Variants in ZFPM2 observed in about 807,000 individuals in gnomAD.
The protein encoded by ZFPM2 is zinc finger protein, FOG family member 2, also known as zinc finger protein ZFPM2.
ZFPM2 carries 20 observed loss-of-function variants against 98.6 expected under a neutral mutation model. The ratio of observed to expected loss-of-function variants is 0.20; its 90% confidence interval spans 0.14 to 0.29. ZFPM2 has a LOEUF of 0.29. Ranked by LOEUF, ZFPM2 falls within the 10% of genes least tolerant of loss-of-function variation. The probability of loss-of-function intolerance (pLI) is 1.00; values close to 1 mark genes in which losing one functional copy is unlikely to be tolerated. For synonymous variants in ZFPM2, 518 were observed against 502.7 expected, an observed-to-expected ratio of 1.03 and a Z score of -0.41; for missense variants, 1,310 against 1,388.6, an observed-to-expected ratio of 0.94 and a Z score of 0.90.
At chr8:105,673,320 C>T (rs1160380750) in intron 5 of ZFPM2, among the ~76,000 whole-genome samples, 1 of 147,786 alleles carries the variant, frequency 6.8e-6, no homozygotes, top group Non-Finnish European at 1.5e-5. Context: ...AGATAAATTT[C>T]TTAGTAAACA....
chr8:105,493,867 C>T (rs1813405735), intron 3 of ZFPM2, among the ~76,000 whole-genome samples: 1 of 151,964 alleles, frequency 6.6e-6, no homozygotes, highest in African/African-American at 2.4e-5. Flanking sequence ...TATCCCCATG[C>T]TACAGTAACA....
At chr8:105,625,649 C>T (rs1240764180) in intron 4 of ZFPM2, among the ~76,000 whole-genome samples, 1 of 151,078 alleles carries the variant, frequency 6.6e-6, no homozygotes, top group Non-Finnish European at 1.5e-5. Flanking sequence ...GGTGCGATCT[C>T]GGCTCACTGC....
At chr8:105,647,009 T>A (rs114154045) in intron 5 of ZFPM2, among the ~76,000 whole-genome samples, 81 of 152,272 alleles carry the variant, frequency 5.3e-4, no homozygotes, top group African/African-American at 1.9e-3. Context: ...GGAAACAGCT[T>A]CGTCCTCAGA....
chr8:105,542,225 G>A (rs1586449115), intron 3 of ZFPM2, among the ~76,000 whole-genome samples: 1 of 152,086 alleles, frequency 6.6e-6, no homozygotes, highest in South Asian at 2.1e-4. Flanking sequence ...AAAGAGAAAT[G>A]CAGTCTTGTT....
intron 4 of ZFPM2, among the ~76,000 whole-genome samples, chr8:105,617,075 A>G (rs1241931740): frequency 1.4e-5 from 2 of 144,370 alleles, no homozygotes; most frequent in East Asian, 4.3e-4. Context: ...CACACCATAA[A>G]TGGGTAGCAA....
intron 5 of ZFPM2, among the ~76,000 whole-genome samples, chr8:105,704,527 G>A (rs1811213239): frequency 6.6e-6 from 1 of 152,176 alleles, no homozygotes; most frequent in Non-Finnish European, 1.5e-5. Flanking sequence ...CTGCCAAGGT[G>A]AATGAATCCC....
intron 4 of ZFPM2, among the ~76,000 whole-genome samples, chr8:105,581,751 A>AC (rs1351304234): frequency 2.0e-5 from 3 of 152,136 alleles, no homozygotes; most frequent in Non-Finnish European, 4.4e-5. Flanking sequence ...CTTCAACCAT[A>AC]CCTAATGCCA....
chr8:105,535,892 G>A (rs1457964312), intron 3 of ZFPM2, among the ~76,000 whole-genome samples: 3 of 152,108 alleles, frequency 2.0e-5, no homozygotes. Flanking sequence ...TTAGGAATTT[G>A]ATCTTACTTT....
intron 1 of ZFPM2, among the ~76,000 whole-genome samples, chr8:105,371,635 G>A (rs1437201974): frequency 6.6e-6 from 1 of 152,108 alleles, no homozygotes; most frequent in East Asian, 1.9e-4. Context: ...ATTTGTAAAT[G>A]AACAGGAATT....
intron 5 of ZFPM2, among the ~76,000 whole-genome samples, chr8:105,753,866 A>G (rs1252822309): frequency 2.0e-5 from 3 of 152,136 alleles, no homozygotes; most frequent in Non-Finnish European, 4.4e-5. Context: ...TCTTTAAGTG[A>G]GGATTGAATT....
chr8:105,412,968 G>A (rs928856751), intron 1 of ZFPM2, among the ~76,000 whole-genome samples: 10 of 151,830 alleles, frequency 6.6e-5, no homozygotes, highest in African/African-American at 2.4e-4. Flanking sequence ...TAGTAAAAAC[G>A]TATTAGTAAT....
At chr8:105,578,295 C>T (rs920088661) in intron 4 of ZFPM2, among the ~76,000 whole-genome samples, 16 of 152,000 alleles carry the variant, frequency 1.1e-4, no homozygotes, top group African/African-American at 3.6e-4. Context: ...AGTGCACACA[C>T]AGTTATCTTA....
chr8:105,650,049 C>T (rs1388543458), intron 5 of ZFPM2, among the ~76,000 whole-genome samples: 1 of 152,034 alleles, frequency 6.6e-6, no homozygotes, highest in Non-Finnish European at 1.5e-5. Flanking sequence ...ATTATTGCCT[C>T]AATTTCAGAG....
At chr8:105,744,448 A>G (rs1275696177) in intron 5 of ZFPM2, among the ~76,000 whole-genome samples, 1 of 152,140 alleles carries the variant, frequency 6.6e-6, no homozygotes, top group Non-Finnish European at 1.5e-5. Flanking sequence ...TGAGAAAGTC[A>G]TGGGATCCAA....
chr8:105,463,264 T>G (rs971168113), intron 3 of ZFPM2, among the ~76,000 whole-genome samples: 12 of 148,388 alleles, frequency 8.1e-5, no homozygotes, highest in African/African-American at 2.7e-4. Flanking sequence ...ATAAACCATC[T>G]CTCTATATTT....
At chr8:105,543,115 TC>T (rs34401624) in intron 3 of ZFPM2, among the ~76,000 whole-genome samples, 1 of 152,194 alleles carries the variant, frequency 6.6e-6, no homozygotes, top group Non-Finnish European at 1.5e-5. Flanking sequence ...GATTTGCATT[TC>T]CATGATGAGA....
chr8:105,694,104 T>A (rs1432930507), intron 5 of ZFPM2, among the ~76,000 whole-genome samples: 1 of 150,576 alleles, frequency 6.6e-6, no homozygotes, highest in Non-Finnish European at 1.5e-5. Context: ...CTCCTGCCTC[T>A]GCTTCCCGAA....
intron 5 of ZFPM2, among the ~76,000 whole-genome samples, chr8:105,699,753 ATTAAT>A (rs1179848642): frequency 6.6e-6 from 1 of 152,110 alleles, no homozygotes; most frequent in African/African-American, 2.4e-5. Flanking sequence ...CTCTCAAATA[ATTAAT>A]TTGATTACAT....
intron 1 of ZFPM2, among the ~76,000 whole-genome samples, chr8:105,369,347 G>T (rs745316742): frequency 1.3e-5 from 2 of 152,098 alleles, no homozygotes; most frequent in East Asian, 1.9e-4. Flanking sequence ...TTTTGATGGG[G>T]TATCATGCAG....
Sources: gnomAD v4.1 joint callset for allele counts (sites outside exome capture counted in the v4.1 genomes callset) on GRCh38, gnomAD v4.1.1 for gene constraint, MANE v1.5 for transcripts, NCBI Gene and HGNC (gene_info 2026-07-23, HGNC 2026-07-21) for gene names.